Variants in ULK4 observed in about 807,000 individuals in gnomAD.
ULK4 encodes the protein unc-51 like kinase 4.
ULK4 carries 133 observed loss-of-function variants against 160.6 expected under a neutral mutation model. The observed-to-expected ratio is 0.83, with a 90% confidence interval of 0.72 to 0.96. The LOEUF (loss-of-function observed/expected upper bound fraction) is 0.96. Ranked by LOEUF, ULK4 falls within the 40% of genes least tolerant of loss-of-function variation. ULK4 has a pLI of 0.00. For synonymous variants in ULK4, 534 were observed against 539.8 expected (o/e 0.99, Z 0.15); for missense variants, 1,580 against 1,499.5 (o/e 1.05, Z -0.89).
At chr3:41,957,877 T>C (rs1576021615) in intron 1 of ULK4, among the ~76,000 whole-genome samples, 1 of 151,690 alleles carries the variant, frequency 6.6e-6, no homozygotes, top group Admixed American at 6.6e-5. Flanking sequence ...CTACAAGATA[T>C]TTAAAAATTT....
intron 31 of ULK4, among the ~76,000 whole-genome samples, chr3:41,608,615 G>A (rs2032502480): frequency 6.6e-6 from 1 of 152,158 alleles, no homozygotes; most frequent in Non-Finnish European, 1.5e-5. Context: ...CAAATGTTTT[G>A]GGAGTAGTGT....
At position 41,450,059 on chromosome 3, in the gene ULK4, C is replaced by T. The variant is rs569040703; in HGVS notation, c.3492+5438G>A. ...AATAAAGAATATTTTTAAAATAATA[C>T]CATAGGAAATATCTATTTTAATTAA... On this transcript the variant is annotated intron_variant, in intron 34 of 36. Coordinates refer to ENST00000301831, the MANE Select transcript of ULK4 (RefSeq NM_017886.4). Among the ~76,000 whole-genome samples the T allele has an allele frequency of 2.0e-5, 3 of 151,614 alleles. No homozygotes were observed. In the East Asian group the frequency reaches 5.8e-4, roughly 29 times the overall value.
chr3:41,854,470 G>A (rs554596113), intron 17 of ULK4, among the ~76,000 whole-genome samples: 1 of 152,266 alleles, frequency 6.6e-6, no homozygotes, highest in Admixed American at 6.5e-5. Context: ...CAGACAAGGT[G>A]GGCAAAACTG....
intron 35 of ULK4, among the ~76,000 whole-genome samples, chr3:41,276,483 A>G (rs890374806): frequency 4.6e-5 from 7 of 152,244 alleles, no homozygotes; most frequent in African/African-American, 1.7e-4. Context: ...ACGTCAGAGG[A>G]TAAAAACATG....
At chr3:41,422,986 C>T (rs1368562107) in intron 34 of ULK4, among the ~76,000 whole-genome samples, 1 of 152,000 alleles carries the variant, frequency 6.6e-6, no homozygotes, top group African/African-American at 2.4e-5. Flanking sequence ...TATAAAATAC[C>T]ATGCTATTAA....
intron 32 of ULK4, among the ~76,000 whole-genome samples, chr3:41,477,084 C>T (rs1405685368): frequency 6.6e-6 from 1 of 152,146 alleles, no homozygotes; most frequent in African/African-American, 2.4e-5. Context: ...CTTAATATTC[C>T]ATCCCAACAT....
At chr3:41,959,479 T>G (rs1700595830) in intron 1 of ULK4, among the ~76,000 whole-genome samples, 1 of 151,618 alleles carries the variant, frequency 6.6e-6, no homozygotes, top group African/African-American at 2.4e-5. Flanking sequence ...GTGAGCCGAT[T>G]GCGCCACTGC....
At chr3:41,484,736 G>A (rs933734886) in intron 32 of ULK4, among the ~76,000 whole-genome samples, 6 of 152,136 alleles carry the variant, frequency 3.9e-5, no homozygotes, top group Admixed American at 6.5e-5. Context: ...ACAGGCGTGA[G>A]CCACCGCGCC....
intron 34 of ULK4, among the ~76,000 whole-genome samples, chr3:41,453,209 T>A (rs534388896): frequency 6.6e-6 from 1 of 152,296 alleles, no homozygotes; most frequent in African/African-American, 2.4e-5. Flanking sequence ...ACTCTTTCAC[T>A]CTTTTGCCCA....
chr3:41,879,244 G>A (rs145155999), intron 17 of ULK4, among the ~76,000 whole-genome samples: 5 of 151,968 alleles, frequency 3.3e-5, no homozygotes, highest in Admixed American at 2.6e-4. Context: ...AATGTATTGG[G>A]TGTGATAATG....
chr3:41,429,085 G>A (rs896419581), intron 34 of ULK4, among the ~76,000 whole-genome samples: 12 of 151,158 alleles, frequency 7.9e-5, no homozygotes, highest in Non-Finnish European at 1.6e-4. Flanking sequence ...AAAAAGCAGG[G>A]AAAAAACATA....
intron 17 of ULK4, among the ~76,000 whole-genome samples, chr3:41,839,404 A>G (rs951307244): frequency 6.7e-6 from 1 of 149,718 alleles, no homozygotes; most frequent in Non-Finnish European, 1.5e-5. Flanking sequence ...AGTAATAGAT[A>G]TAACATATAT....
At chr3:41,782,772 G>C (rs1405265280) in intron 21 of ULK4, among the ~76,000 whole-genome samples, 1 of 152,070 alleles carries the variant, frequency 6.6e-6, no homozygotes, top group Admixed American at 6.6e-5. Flanking sequence ...TATCTTAAGG[G>C]AATAACTAAG....
intron 18 of ULK4, among the ~76,000 whole-genome samples, chr3:41,832,245 A>C (rs889930354): frequency 1.3e-5 from 2 of 152,168 alleles, no homozygotes; most frequent in Non-Finnish European, 2.9e-5. Flanking sequence ...GACTGGTGTG[A>C]GACGGTATCT....
At position 41,341,034 on chromosome 3, in the gene ULK4, C is replaced by A. The variant is rs1236991932; in HGVS notation, c.3678+57045G>T. Reference sequence around the variant, plus strand: ...AATGACTCCCAAGCTGGATATAGAGCCATCTTCCTCAAATATCCAAATGGA... The same window carrying A: ...AATGACTCCCAAGCTGGATATAGAGACATCTTCCTCAAATATCCAAATGGA... On this transcript the variant is annotated intron_variant, in intron 35 of 36. Coordinates refer to ENST00000301831, the MANE Select transcript of ULK4 (RefSeq NM_017886.4). Among the ~76,000 whole-genome samples, 3 of 152,278 alleles carry A rather than the reference C, an allele frequency of 2.0e-5. No individual in the cohort carries two copies. The East Asian group carries it at 5.8e-4, about 29-fold the overall frequency.
intron 17 of ULK4, among the ~76,000 whole-genome samples, chr3:41,849,347 T>G (rs1215744118): frequency 6.6e-6 from 1 of 152,164 alleles, no homozygotes; most frequent in Non-Finnish European, 1.5e-5. Flanking sequence ...GTACCAACAT[T>G]TACGTCATGA....
At chr3:41,832,876 C>T (rs568883934) in intron 18 of ULK4, among the ~76,000 whole-genome samples, 2 of 152,242 alleles carry the variant, frequency 1.3e-5, no homozygotes, top group South Asian at 4.1e-4. Flanking sequence ...GGTCTCTGTT[C>T]TGTTCCATTG....
intron 12 of ULK4, among the ~76,000 whole-genome samples, chr3:41,906,906 T>C (rs1575925549): frequency 6.6e-6 from 1 of 151,966 alleles, no homozygotes; most frequent in African/African-American, 2.4e-5. Context: ...GGCAGGAGAA[T>C]TGCTTGAATC....
intron 35 of ULK4, among the ~76,000 whole-genome samples, chr3:41,273,606 G>A (rs2079177153): frequency 6.6e-6 from 1 of 152,152 alleles, no homozygotes; most frequent in Non-Finnish European, 1.5e-5. Context: ...CCCCACCTCA[G>A]TTCCTCTCTC....
Sources: allele counts gnomAD v4.1 joint callset (sites outside exome capture counted in the v4.1 genomes callset), GRCh38; gene constraint gnomAD v4.1.1; transcripts MANE v1.5; gene names NCBI Gene and HGNC (gene_info 2026-07-23, HGNC 2026-07-21).